KIRREL2: variants seen among roughly 807,000 people sequenced by gnomAD.
KIRREL2 encodes the protein kin of IRRE-like protein 2.
KIRREL2 carries 56 observed loss-of-function variants against 73.4 expected under a neutral mutation model. That is an observed-to-expected ratio of 0.76 (90% CI 0.62 to 0.95). The LOEUF is 0.95. Ranked by LOEUF, KIRREL2 falls within the 40% of genes least tolerant of loss-of-function variation. The pLI is 0.00. For synonymous variants in KIRREL2, 407 were observed against 404.0 expected (o/e 1.01, Z -0.09); for missense variants, 896 against 935.0 (o/e 0.96, Z 0.54).
Position 35,861,920 on chromosome 19 carries a change from T to G in KIRREL2, c.1406T>G (p.Leu469Arg). Residue 469 changes from leucine to arginine, a missense_variant, in exon 11 of 15, where the codon CTA becomes CGA. Physicochemically the swap from Leu to Arg is moderately radical, Grantham distance 102. Transcript: ENST00000360202. ...CTGGGTCCGGGCCTGATCTCTGTGC[T>G]ACACATTTCGGGGACCCAGGAGTCT... ...GGLGPGLISV[L>R]HISGTQESDF... 1 of 1,612,020 alleles carries G rather than the reference T, an allele frequency of 6.2e-7. No individual in the cohort carries two copies. The highest frequency in any genetic ancestry group is 1.1e-5 in the South Asian group (1 of 90,490).
In KIRREL2 at chr19:35,866,605, G is replaced by C; in HGVS notation, c.*113G>C. The C allele has an allele frequency of 7.0e-7, 1 of 1,436,850 alleles. No individual in the cohort carries two copies. Among genetic ancestry groups the C allele is most frequent in the Non-Finnish European group, 9.7e-7 (1 of 1,034,766 alleles). The allele number at this position is 1,436,850 out of a possible 1,614,324, so 89.0% of individuals were successfully genotyped here. A position where few individuals can be genotyped will look rare whatever the true frequency, so the allele number is the denominator to read the frequency against. ...TTACTCCTCCAAAACTGAACACAAGGGGAGGGAAAGATCATTACATTTGTC... is the reference window on the plus strand; with the variant it reads ...TTACTCCTCCAAAACTGAACACAAGCGGAGGGAAAGATCATTACATTTGTC... On this transcript the variant is annotated 3_prime_UTR_variant, in exon 15 of 15. Transcript: ENST00000360202.
Position 35,857,132 on chromosome 19 carries a change from C to A in KIRREL2, c.13C>A (p.Arg5=). MLRM[R]VPALLVLLFC... The stretch of plus-strand genomic sequence containing the variant: ...CCTTGGGGGACGAATGCTCAGGATG[C>A]GGGTCCCCGCCCTCCTCGTCCTCCT... The change falls in exon 1 of 15, where the codon CGG becomes AGG. Residue 5 remains arginine (R), a synonymous_variant. Coordinates refer to ENST00000360202, the MANE Select transcript of KIRREL2 (RefSeq NM_199180.4). 6.2e-7 allele frequency: 1 copy of A among 1,605,902 alleles called. No homozygotes were observed. The highest frequency in any genetic ancestry group is 1.1e-5 in the South Asian group (1 of 90,884).
In KIRREL2 at chr19:35,858,685, C is replaced by A. The variant is rs767387148; in HGVS notation, c.362-19C>A. The A allele has an allele frequency of 6.2e-7, 1 of 1,613,252 alleles. No homozygotes were observed. The highest frequency in any genetic ancestry group is 1.1e-5 in the South Asian group (1 of 91,002). Reference sequence around the variant, plus strand: ...TGAGAAGATCAGGATCCATCTCTGACCCCAAATCCACCTTGCAGTCCCCCC... The same window carrying A: ...TGAGAAGATCAGGATCCATCTCTGAACCCAAATCCACCTTGCAGTCCCCCC... On this transcript the variant is annotated intron_variant, in intron 3 of 14. Transcript: ENST00000360202.
intron 5 of KIRREL2, 105 bp downstream of exon 5, chr19:35,859,736 A>C: frequency 7.5e-7 from 1 of 1,327,760 alleles, no homozygotes; most frequent in Non-Finnish European, 1.0e-6. Context: ...TGGAGCCTGG[A>C]CTCCTGGATC....
chr19:35,854,471 G>A (rs1286783805), upstream of KIRREL2, among the ~76,000 whole-genome samples: 1 of 151,582 alleles, frequency 6.6e-6, no homozygotes, highest in Non-Finnish European at 1.5e-5. Context: ...ACAGGCATGC[G>A]CCACCACGCC....
chr19:35,866,548 G>C lies in KIRREL2; in HGVS notation c.*56G>C. The C allele has an allele frequency of 1.2e-6, 2 of 1,609,544 alleles. No homozygotes were observed. The highest frequency in any genetic ancestry group is 1.7e-6 in the Non-Finnish European group (2 of 1,178,720). ...CCAACTTGCCATAATGGATTGTTCT[G>C]ATTTCTGAGGAGCCAGGACAAGTTG... On this transcript the variant is annotated 3_prime_UTR_variant, in exon 15 of 15. Coordinates refer to ENST00000360202, the MANE Select transcript of KIRREL2 (RefSeq NM_199180.4).
chr19:35,864,519 G>A, intron 13 of KIRREL2, 129 bp from the exon 14 acceptor site: 1 of 685,148 alleles, frequency 1.5e-6, no homozygotes, highest in Non-Finnish European at 2.6e-6. Flanking sequence ...CCTGAGTGCA[G>A]TCCCCAGCTC....
upstream of KIRREL2, among the ~76,000 whole-genome samples, chr19:35,854,270 G>A (rs1386974399): frequency 3.3e-5 from 5 of 152,154 alleles, no homozygotes; most frequent in African/African-American, 1.2e-4. Flanking sequence ...AGGATTACAG[G>A]CATGAGCCAC....
At chr19:35,857,624 G>A (rs1973481282) in intron 2 of KIRREL2, 130 bp downstream of exon 2, 4 of 994,308 alleles carry the variant, frequency 4.0e-6, no homozygotes, top group Non-Finnish European at 5.8e-6. Flanking sequence ...ACATTTAGGA[G>A]TCCTGATTTT....
intron 2 of KIRREL2, among the ~76,000 whole-genome samples, 184 bp from the exon 3 acceptor site, chr19:35,858,224 T>G (rs1372422475): frequency 6.6e-6 from 1 of 152,110 alleles, no homozygotes; most frequent in Non-Finnish European, 1.5e-5. Context: ...TTATTACCCC[T>G]AAGTTTGCAG....
In KIRREL2 at chr19:35,866,318, CT is replaced by C. The variant is rs1406885548; in HGVS notation, c.1954del (p.Cys652AlafsTer79). The C allele has an allele frequency of 3.1e-6, 5 of 1,612,154 alleles. No individual in the cohort carries two copies. The African/African-American group carries it at 5.3e-5, about 17-fold the overall frequency. On this transcript the variant is annotated frameshift_variant, in exon 15 of 15. Transcript: ENST00000360202. LOFTEE classifies it high-confidence loss of function. ...ACCCACACCTGGGCATGGTCCCCCC[CT>C]GCAGACTTTACAGAGCCAGGGCAGG... The part of the protein sequence containing the change: ...FNPHLGMVPP[C>X]RLYRARAGYL...
chr19:35,855,656 T>TACACACACAC (rs57458964), upstream of KIRREL2, among the ~76,000 whole-genome samples: 645 of 84,908 alleles, frequency 7.6e-3, 14 homozygotes, highest in Non-Finnish European at 0.011. Flanking sequence ...CACCTCCCCA[T>TACACACACAC]ACACACACAC....
At chr19:35,858,326 TG>T in intron 2 of KIRREL2, 81 bp from the exon 3 acceptor site, 1 of 1,521,508 alleles carries the variant, frequency 6.6e-7, no homozygotes, top group Non-Finnish European at 9.0e-7. Flanking sequence ...GCCAGTTTTC[TG>T]GTGGAGGATG....
upstream of KIRREL2, chr19:35,856,871 C>A: frequency 1.8e-6 from 1 of 569,350 alleles, no homozygotes; most frequent in Non-Finnish European, 3.1e-6. The surrounding 1 kb of genome is among the most constrained non-coding windows in gnomAD (Gnocchi z 5.9). Context: ...GGGGCGGACC[C>A]GGGCGGGGCG....
chr19:35,860,131 G>A (rs1973598939), intron 5 of KIRREL2, among the ~76,000 whole-genome samples, 166 bp from the exon 6 acceptor site: 1 of 152,128 alleles, frequency 6.6e-6, no homozygotes, highest in African/African-American at 2.4e-5. Context: ...GGCACATTGA[G>A]GTAACTGGGG....
At position 35,860,277 on chromosome 19, in the gene KIRREL2, C is replaced by T; in HGVS notation, c.674-20C>T. On this transcript the variant is annotated intron_variant, in intron 5 of 14. Coordinates refer to ENST00000360202, the MANE Select transcript of KIRREL2 (RefSeq NM_199180.4). ...GTGTTCCTGGTCCTTGCCCATCTGACCATTGTCCCACCCTCACAGACCCCC... is the reference window on the plus strand; with the variant it reads ...GTGTTCCTGGTCCTTGCCCATCTGATCATTGTCCCACCCTCACAGACCCCC... 1 of 1,606,604 alleles carries T rather than the reference C, an allele frequency of 6.2e-7. No individual in the cohort carries two copies. Among genetic ancestry groups the T allele is most frequent in the Non-Finnish European group, 8.5e-7 (1 of 1,174,242 alleles).
At chr19:35,854,567 C>T (rs1599852478), upstream of KIRREL2, among the ~76,000 whole-genome samples, 1 of 152,166 alleles carries the variant, frequency 6.6e-6, no homozygotes, top group Non-Finnish European at 1.5e-5. Flanking sequence ...AGGTGATCAG[C>T]CTGACTCGGC....
upstream of KIRREL2, among the ~76,000 whole-genome samples, chr19:35,855,704 CACAT>C (rs1291155281): frequency 0.059 from 6,087 of 103,456 alleles, 437 homozygotes; most frequent in East Asian, 0.19. Context: ...CACACACACA[CACAT>C]ACACACAGGA....
At chr19:35,863,153 G>A (rs1340937395) in intron 13 of KIRREL2, 117 bp downstream of exon 13, 5 of 628,356 alleles carry the variant, frequency 8.0e-6, no homozygotes, top group African/African-American at 1.8e-5. Flanking sequence ...GCCTGACGTT[G>A]GTAATACCAC....
Sources: gnomAD v4.1 joint callset for allele counts (sites outside exome capture counted in the v4.1 genomes callset) on GRCh38, gnomAD v4.1.1 for gene constraint, Gnocchi (gnomAD v3.1) non-coding constraint, MANE v1.5 for transcripts, NCBI Gene and HGNC (gene_info 2026-07-23, HGNC 2026-07-21) for gene names.